The following ERC2 variants were observed in gnomAD, a reference collection of about 807,000 sequenced individuals.
The protein encoded by ERC2 is ELKS/RAB6-interacting/CAST family member 2.
A neutral mutation model predicts 114.8 loss-of-function variants in ERC2; 42 were observed. The observed-to-expected ratio is 0.37, with a 90% CI of 0.29 to 0.47. ERC2 has a LOEUF of 0.47. Ranked by LOEUF, ERC2 falls within the 20% of genes least tolerant of loss-of-function variation. The pLI, the probability that ERC2 is intolerant of heterozygous loss-of-function variation, is 0.99. For missense variants in ERC2, 939 were observed against 1,150.7 expected (o/e 0.82, Z 2.66); for synonymous variants, 454 against 425.5 (o/e 1.07, Z -0.82).
chr3:55,541,787 C>T (rs1000458404), intron 17 of ERC2, among the ~76,000 whole-genome samples: 1 of 152,170 alleles, frequency 6.6e-6, no homozygotes, highest in African/African-American at 2.4e-5. Flanking sequence ...AGATAGTAAT[C>T]CAAGCAGGAA....
intron 17 of ERC2, among the ~76,000 whole-genome samples, chr3:55,627,413 C>G (rs1689918517): frequency 6.6e-6 from 1 of 152,048 alleles, no homozygotes; most frequent in Non-Finnish European, 1.5e-5. Context: ...TTGCAGTGAG[C>G]TGAGATCACG....
rs1016059015 is a variant in ERC2, at chr3:55,917,554, T to C, written c.2404-29005A>G. 2.6e-5 allele frequency among the ~76,000 whole-genome samples: 4 copies of C among 152,274 alleles called. No individual in the cohort carries two copies. In the South Asian group the frequency reaches 8.3e-4, roughly 32 times the overall value. On this transcript the variant is annotated intron_variant, in intron 13 of 17. Coordinates refer to ENST00000288221, the MANE Select transcript of ERC2 (RefSeq NM_015576.3). ...TATGAATAGGCAAATCTATAAACTA[T>C]ATAATTCCATTTATATGAAATGTAT...
intron 3 of ERC2, among the ~76,000 whole-genome samples, chr3:56,244,786 T>C (rs2051569104): frequency 6.6e-6 from 1 of 152,190 alleles, no homozygotes; most frequent in African/African-American, 2.4e-5. Flanking sequence ...TACAGTAGTG[T>C]CCTAGGCCTT....
chr3:56,159,377 C>T (rs534929629), intron 4 of ERC2, among the ~76,000 whole-genome samples: 1 of 152,270 alleles, frequency 6.6e-6, no homozygotes, highest in African/African-American at 2.4e-5. Context: ...CAAATGTCAA[C>T]ATTTTAGTAC....
intron 3 of ERC2, among the ~76,000 whole-genome samples, chr3:56,260,444 C>T (rs2052839287): frequency 1.3e-5 from 2 of 152,238 alleles, no homozygotes; most frequent in Admixed American, 6.5e-5. Flanking sequence ...ACATCGCCCC[C>T]GCGCCCCAGC....
At chr3:56,174,975 TAAAA>T (rs3052701) in intron 3 of ERC2, among the ~76,000 whole-genome samples, 68,794 of 145,224 alleles carry the variant, frequency 0.47, 16,196 homozygotes, top group East Asian at 0.69. Context: ...AGACTCTGTC[TAAAA>T]AAAAAAAAAA....
intron 2 of ERC2, chr3:56,434,114 C>G (rs941685425): frequency 1.9e-6 from 1 of 526,466 alleles, no homozygotes; most frequent in African/African-American, 1.9e-5. Context: ...CCTCCCCACC[C>G]CACCCCTCTC....
intron 1 of ERC2, among the ~76,000 whole-genome samples, chr3:56,460,359 A>G (rs2063256197): frequency 6.6e-6 from 1 of 152,248 alleles, no homozygotes; most frequent in South Asian, 2.1e-4. Context: ...GCTCTGCCAC[A>G]GCATTAACTC....
intron 13 of ERC2, among the ~76,000 whole-genome samples, chr3:55,900,764 T>C (rs1437785754): frequency 2.0e-5 from 3 of 151,956 alleles, no homozygotes; most frequent in African/African-American, 7.3e-5. Context: ...AAACACACAG[T>C]AGATAGTCAA....
At chr3:56,170,836 C>T (rs1222740808) in intron 4 of ERC2, among the ~76,000 whole-genome samples, 1 of 149,820 alleles carries the variant, frequency 6.7e-6, no homozygotes, top group Non-Finnish European at 1.5e-5. Flanking sequence ...ACGATCTCGA[C>T]TCACTGCAAG....
At chr3:56,400,047 T>C (rs955788057) in intron 2 of ERC2, among the ~76,000 whole-genome samples, 13 of 152,134 alleles carry the variant, frequency 8.5e-5, no homozygotes, top group Admixed American at 8.5e-4. Flanking sequence ...ATAGCACTTA[T>C]GAGACAACTG....
intron 7 of ERC2, among the ~76,000 whole-genome samples, chr3:56,027,005 A>G (rs1477283658): frequency 6.6e-6 from 1 of 152,186 alleles, no homozygotes; most frequent in Non-Finnish European, 1.5e-5. Flanking sequence ...GCAACCATTA[A>G]TCTCTTCTAC....
At chr3:55,676,393 C>T (rs1240774251) in intron 17 of ERC2, among the ~76,000 whole-genome samples, 2 of 151,646 alleles carry the variant, frequency 1.3e-5, no homozygotes, top group African/African-American at 4.8e-5. Context: ...TACTCTCACC[C>T]ATAGCAGACT....
chr3:56,351,746 T>C (rs760507979), intron 2 of ERC2, among the ~76,000 whole-genome samples: 9 of 152,164 alleles, frequency 5.9e-5, no homozygotes, highest in Non-Finnish European at 1.2e-4. Flanking sequence ...ATCCATCCAT[T>C]CATTCATTCA....
At chr3:56,159,522 A>G (rs1348568125) in intron 4 of ERC2, among the ~76,000 whole-genome samples, 1 of 152,150 alleles carries the variant, frequency 6.6e-6, no homozygotes, top group Non-Finnish European at 1.5e-5. Flanking sequence ...ATCAACTTTT[A>G]TTTTAGATTT....
intron 7 of ERC2, among the ~76,000 whole-genome samples, chr3:56,078,830 C>A (rs1403740237): frequency 1.3e-5 from 2 of 149,176 alleles, no homozygotes; most frequent in East Asian, 1.9e-4. Context: ...TATGAATGAA[C>A]AATATATATA....
intron 3 of ERC2, among the ~76,000 whole-genome samples, chr3:56,190,896 A>G (rs1230640463): frequency 1.3e-5 from 2 of 152,150 alleles, no homozygotes; most frequent in African/African-American, 4.8e-5. Flanking sequence ...TTTAACATTT[A>G]TGTAATAGTA....
chr3:55,571,346 T>A (rs2056702968), intron 17 of ERC2, among the ~76,000 whole-genome samples: 1 of 152,038 alleles, frequency 6.6e-6, no homozygotes, highest in Non-Finnish European at 1.5e-5. Flanking sequence ...CTAGAGATAG[T>A]AAACAATTTT....
intron 2 of ERC2, among the ~76,000 whole-genome samples, chr3:56,332,132 T>TCACA (rs4061142): frequency 0.28 from 32,502 of 117,444 alleles, 4,075 homozygotes; most frequent in Admixed American, 0.37. Flanking sequence ...TTCCTATTTT[T>TCACA]CACACACACA....
Sources: allele counts gnomAD v4.1 joint callset (sites outside exome capture counted in the v4.1 genomes callset), GRCh38; gene constraint gnomAD v4.1.1; transcripts MANE v1.5; gene names NCBI Gene and HGNC (gene_info 2026-07-23, HGNC 2026-07-21).